Variants in SDHA observed in about 807,000 individuals in gnomAD.
SDHA encodes the protein succinate dehydrogenase complex flavoprotein subunit A, also known as succinate dehydrogenase [ubiquinone] flavoprotein subunit, mitochondrial.
Under a neutral mutation model 78.4 loss-of-function variants are expected in SDHA, and 48 were observed. The ratio of observed to expected loss-of-function variants is 0.61; its 90% CI spans 0.49 to 0.78. SDHA has a LOEUF of 0.78. SDHA is among the 30% of genes least tolerant of loss of function. SDHA has a pLI of 0.00. For missense variants in SDHA, 680 were observed against 892.7 expected (o/e 0.76, Z 3.04); for synonymous variants, 326 against 353.9 (o/e 0.92, Z 0.88).
At chr5:268,051 T>A in the SDHA span, among the ~76,000 whole-genome samples, 1 of 152,036 alleles carries the variant, frequency 6.6e-6, no homozygotes. Context: ...GAGCTAGAGG[T>A]TTCTTAGAGG....
intron 14 of SDHA, among the ~76,000 whole-genome samples, chr5:255,399 A>C (rs893732430): frequency 2.8e-4 from 43 of 151,916 alleles, no homozygotes; most frequent in Admixed American, 1.6e-3. Context: ...TATAGAAATC[A>C]CACTTCACTC....
At chr5:242,492 G>C (rs1579422041) in intron 11 of SDHA, among the ~76,000 whole-genome samples, 1 of 152,214 alleles carries the variant, frequency 6.6e-6, no homozygotes, top group African/African-American at 2.4e-5. Context: ...TGACTGGCTT[G>C]CTCTCAATAA....
downstream of SDHA, among the ~76,000 whole-genome samples, chr5:259,978 T>C (rs1411169852): frequency 2.6e-4 from 13 of 50,098 alleles, no homozygotes; most frequent in African/African-American, 9.8e-4. Flanking sequence ...GAGCTCCGCC[T>C]CCCGCCAGAG....
intron 13 of SDHA, among the ~76,000 whole-genome samples, chr5:252,779 G>A (rs1215815005): frequency 7.1e-6 from 1 of 140,136 alleles, no homozygotes. Context: ...TGGAGGAAAT[G>A]CCAGTTTATT....
downstream of SDHA, among the ~76,000 whole-genome samples, chr5:260,143 T>G (rs1175337205): frequency 0.36 from 87 of 242 alleles, 18 homozygotes; most frequent in African/African-American, 0.67. Context: ...CCGCCTCCCG[T>G]CAGAGCATTA....
chr5:242,611 C>T (rs1434273523), intron 11 of SDHA, among the ~76,000 whole-genome samples: 9 of 152,160 alleles, frequency 5.9e-5, no homozygotes, highest in Admixed American at 2.0e-4. Flanking sequence ...ATTCCTCTAG[C>T]GCCGCTGGGT....
rs752461029 is a variant in SDHA, at chr5:236,560, C to A, written c.1393C>A (p.Arg465=). The A allele has an allele frequency of 1.2e-6, 2 of 1,614,006 alleles. No homozygotes were observed. The highest frequency in any genetic ancestry group is 2.2e-5 in the South Asian group (2 of 91,062). ...NSLLDLVVFG[R]ACALSIEESC... ...GCTCTTGGACCTGGTTGTCTTTGGT[C>A]GGGCATGTGCCCTGAGCATCGAAGA... The change falls in exon 10 of 15, where the codon CGG becomes AGG. Residue 465 remains arginine, a synonymous_variant. Coordinates refer to ENST00000264932, the MANE Select transcript of SDHA (RefSeq NM_004168.4).
intron 11 of SDHA, chr5:250,653 G>C (rs1736756081): frequency 1.1e-5 from 4 of 364,680 alleles, no homozygotes; most frequent in Middle Eastern, 9.6e-4. Context: ...CAGGGGTGTG[G>C]AGAGGCAGCG....
intron 7 of SDHA, among the ~76,000 whole-genome samples, chr5:231,453 G>A (rs1735390441): frequency 6.6e-6 from 1 of 151,874 alleles, no homozygotes; most frequent in Admixed American, 6.6e-5. Context: ...CCAGGTACTT[G>A]GGAGGCTGAG....
chr5:218,329 C>T lies in SDHA; in HGVS notation c.-27C>T, dbSNP rs1734490584. 4.2e-6 allele frequency: 6 copies of T among 1,442,086 alleles called. No individual in the cohort carries two copies. The highest frequency in any genetic ancestry group is 2.8e-5 in the East Asian group (1 of 35,604). 89.3% of individuals were successfully genotyped at this position (1,442,086 alleles called of 1,614,324 possible). ...CAGGCGCAGTCTGCGCAGGGACTGG[C>T]GGGACTGCGCGGCGGCAACAGCAGA... is the stretch of plus-strand genomic sequence containing the variant. On this transcript the variant is annotated 5_prime_UTR_variant, in exon 1 of 15. Transcript: ENST00000264932.
At chr5:251,299 G>C (rs1168682878) in intron 12 of SDHA, 39 bp from the exon 13 acceptor site, 1 of 1,602,842 alleles carries the variant, frequency 6.2e-7, no homozygotes, top group East Asian at 2.2e-5. Context: ...CATGTGACTG[G>C]GTCCCGCCTG....
At chr5:223,746 CA>C in intron 2 of SDHA, among the ~76,000 whole-genome samples, 178 bp downstream of exon 2, 1 of 152,042 alleles carries the variant, frequency 6.6e-6, no homozygotes, top group Non-Finnish European at 1.5e-5. Flanking sequence ...CAAATATAAA[CA>C]TAGATGTTTA....
At position 254,787 on chromosome 5, in the gene SDHA, C is replaced by T. The variant is rs550944649; in HGVS notation, c.1908+281C>T. On this transcript the variant is annotated intron_variant, in intron 14 of 14. Transcript: ENST00000264932. Reference sequence around the variant, plus strand: ...CTGGGCAGGAGCAAGTGTCCAAGGCCTGGTGGTAGGGGAGGAGATGATGAT... The same window carrying T: ...CTGGGCAGGAGCAAGTGTCCAAGGCTTGGTGGTAGGGGAGGAGATGATGAT... 7.2e-5 allele frequency among the ~76,000 whole-genome samples: 11 copies of T among 152,076 alleles called. No homozygotes were observed. The East Asian group carries it at 2.1e-3, about 29-fold the overall frequency.
chr5:241,318 A>C (rs1170902647), intron 11 of SDHA, among the ~76,000 whole-genome samples: 1 of 152,160 alleles, frequency 6.6e-6, no homozygotes, highest in Non-Finnish European at 1.5e-5. Context: ...GGAGTTCAAC[A>C]CAACACTGGT....
intron 4 of SDHA, 84 bp downstream of exon 4, chr5:225,646 G>T: frequency 6.3e-7 from 1 of 1,588,714 alleles, no homozygotes; most frequent in South Asian, 1.1e-5. Flanking sequence ...CAATTGAGGC[G>T]GATGTGGCAG....
At chr5:256,192 G>A (rs1561016002) in intron 14 of SDHA, 142 bp from the exon 15 acceptor site, 1 of 734,568 alleles carries the variant, frequency 1.4e-6, no homozygotes, top group African/African-American at 1.7e-5. Flanking sequence ...TACATGATGG[G>A]AGCATTTTTG....
rs1060505004 is a variant in SDHA, at chr5:233,607, G to T, written c.1026G>T (p.Val342=). The change falls in exon 8 of 15, where the codon GTG becomes GTT. Residue 342 remains valine (V), a synonymous_variant. Transcript: ENST00000264932. The part of the protein sequence containing the change: ...PVAKDLASRD[V]VSRSMTLEIR... ...CGAAGGACCTGGCGTCTAGAGATGT[G>T]GTGTCTCGGTCCATGACTCTGGAGA... The T allele has an allele frequency of 1.6e-5, 26 of 1,614,036 alleles. No homozygotes were observed. The highest frequency in any genetic ancestry group is 2.2e-5 in the Non-Finnish European group (26 of 1,180,022).
downstream of SDHA, among the ~76,000 whole-genome samples, chr5:258,286 A>G (rs1737335632): frequency 1.7e-5 from 2 of 119,998 alleles, no homozygotes; most frequent in South Asian, 2.4e-4. Context: ...TTACTATGTG[A>G]GCTCCGCCCC....
In SDHA at chr5:235,205, C is replaced by G; in HGVS notation, c.1126C>G (p.Leu376Val). 1 of 1,614,018 alleles carries G rather than the reference C, an allele frequency of 6.2e-7. No individual in the cohort carries two copies. Residue 376 changes from leucine to valine, a missense_variant, in exon 9 of 15, where the codon CTG becomes GTG. By Grantham distance (32) the Leu-to-Val change is conservative (BLOSUM62 1). Coordinates refer to ENST00000264932, the MANE Select transcript of SDHA (RefSeq NM_004168.4). ...LQLHHLPPEQ[L>V]ATRLPGISET... Reference sequence around the variant, plus strand: ...GCTGCACCACCTACCTCCAGAGCAGCTGGCCACGCGCCTGCCTGGCATTTC... The same window carrying G: ...GCTGCACCACCTACCTCCAGAGCAGGTGGCCACGCGCCTGCCTGGCATTTC...
Sources: gnomAD v4.1 joint callset for allele counts (sites outside exome capture counted in the v4.1 genomes callset) on GRCh38, gnomAD v4.1.1 for gene constraint, MANE v1.5 for transcripts, NCBI Gene and HGNC (gene_info 2026-07-23, HGNC 2026-07-21) for gene names.